KIAA0319: variants seen among roughly 807,000 people sequenced by gnomAD.
KIAA0319 encodes the protein dyslexia-associated protein KIAA0319.
Under a neutral mutation model 108.4 loss-of-function variants are expected in KIAA0319, and 83 were observed. The ratio of observed to expected loss-of-function variants is 0.77; its 90% confidence interval spans 0.64 to 0.92. The LOEUF (loss-of-function observed/expected upper bound fraction) is 0.92. Among genes scored for constraint, KIAA0319 ranks in the 40% least tolerant of loss-of-function variants. The probability of loss-of-function intolerance (pLI) is 0.00; values close to 1 mark genes in which losing one functional copy is unlikely to be tolerated. For synonymous variants in KIAA0319, 484 were observed against 510.4 expected (o/e 0.95, Z 0.70); for missense variants, 1,195 against 1,322.4 (o/e 0.90, Z 1.49).
chr6:24,559,174 G>A lies in KIAA0319; in HGVS notation c.2592-19C>T, dbSNP rs750173288. On this transcript the variant is annotated intron_variant, in intron 16 of 20. Coordinates refer to ENST00000378214, the MANE Select transcript of KIAA0319 (RefSeq NM_014809.4). ...CACGGTGCTGTGGAGGAGACAATGAGAGAGGACAGCCACATGGTCAGATGG... is the reference window on the plus strand; with the variant it reads ...CACGGTGCTGTGGAGGAGACAATGAAAGAGGACAGCCACATGGTCAGATGG... 5.6e-6 allele frequency: 9 copies of A among 1,610,382 alleles called. No homozygotes were observed. The highest frequency in any genetic ancestry group is 2.1e-4 in the Middle Eastern group (1 of 4,736).
At chr6:24,617,757 C>A (rs369639355) in intron 1 of KIAA0319, among the ~76,000 whole-genome samples, 1 of 152,064 alleles carries the variant, frequency 6.6e-6, no homozygotes, top group East Asian at 1.9e-4. Context: ...GAGGCTGATG[C>A]GGGTGGATCA....
At position 24,568,848 on chromosome 6, in the gene KIAA0319, G is replaced by GA. The variant is rs770757146; in HGVS notation, c.2072dup (p.Arg692ProfsTer25). 1.9e-6 allele frequency: 3 copies of GA among 1,614,182 alleles called. No individual in the cohort carries two copies. The East Asian group carries it at 6.7e-5, about 36-fold the overall frequency. On this transcript the variant is annotated frameshift_variant, in exon 13 of 21. Coordinates refer to ENST00000378214, the MANE Select transcript of KIAA0319 (RefSeq NM_014809.4). LOFTEE classifies it high-confidence loss of function. ...CCTGCTGGTCTTTCACTGTCAAACGGAAGTGGTAGGTCCCCACCTGGAGAC... is the reference window on the plus strand; with the variant it reads ...CCTGCTGGTCTTTCACTGTCAAACGGAAAGTGGTAGGTCCCCACCTGGAGAC...
chr6:24,556,173 C>T (rs893931427), intron 18 of KIAA0319, among the ~76,000 whole-genome samples: 4 of 151,050 alleles, frequency 2.6e-5, no homozygotes, highest in African/African-American at 9.8e-5. Context: ...CCCTTCCCTC[C>T]CCTCCCCTCC....
intron 1 of KIAA0319, among the ~76,000 whole-genome samples, chr6:24,614,032 C>T (rs1420062231): frequency 3.3e-5 from 5 of 152,132 alleles, no homozygotes; most frequent in Admixed American, 6.6e-5. Flanking sequence ...TCCATTTCAC[C>T]GCAGTTGAGT....
chr6:24,543,162 T>C (rs1446611281), downstream of KIAA0319, among the ~76,000 whole-genome samples: 2 of 152,198 alleles, frequency 1.3e-5, no homozygotes, highest in East Asian at 3.9e-4. Context: ...TGGAGTGAGT[T>C]AAAACAGCCT....
chr6:24,565,492 C>T (rs1478812652), intron 14 of KIAA0319, among the ~76,000 whole-genome samples: 3 of 152,050 alleles, frequency 2.0e-5, no homozygotes, highest in Admixed American at 2.0e-4. Context: ...CGGTGGCTCA[C>T]GCCTGTAATC....
chr6:24,617,942 G>T (rs1421588273), intron 1 of KIAA0319, among the ~76,000 whole-genome samples: 1 of 152,086 alleles, frequency 6.6e-6, no homozygotes. Flanking sequence ...AGCCGAGATT[G>T]CGCCATTGCA....
At chr6:24,553,340 C>CATATATAT (rs71542684) in intron 19 of KIAA0319, among the ~76,000 whole-genome samples, 81 of 125,876 alleles carry the variant, frequency 6.4e-4, no homozygotes, top group African/African-American at 2.5e-3. Flanking sequence ...CACACACGCA[C>CATATATAT]ATATATATAT....
At chr6:24,623,863 C>T (rs908091696) in intron 1 of KIAA0319, among the ~76,000 whole-genome samples, 3 of 152,072 alleles carry the variant, frequency 2.0e-5, no homozygotes, top group Non-Finnish European at 4.4e-5. Context: ...GATCATTATA[C>T]ATTGTATGCT....
At chr6:24,595,546 C>CA (rs60291863) in intron 3 of KIAA0319, among the ~76,000 whole-genome samples, 3,412 of 42,658 alleles carry the variant, frequency 0.08, 550 homozygotes, top group African/African-American at 0.16. Flanking sequence ...GATTCAATCT[C>CA]AAAAAAAAAA....
At chr6:24,622,859 C>G (rs906016130) in intron 1 of KIAA0319, among the ~76,000 whole-genome samples, 5 of 151,948 alleles carry the variant, frequency 3.3e-5, no homozygotes, top group Non-Finnish European at 5.9e-5. Context: ...GCCTGGCCAA[C>G]GAAACCCTGT....
intron 1 of KIAA0319, among the ~76,000 whole-genome samples, chr6:24,628,513 C>CT (rs1235251904): frequency 3.3e-5 from 5 of 151,844 alleles, no homozygotes; most frequent in African/African-American, 9.7e-5. Flanking sequence ...CACTGCAGTG[C>CT]TTTTTTCTTT....
rs548826536 is a variant in KIAA0319 at position 24,600,897 on chromosome 6, T to A, written c.55+152A>T. The A allele has an allele frequency of 7.5e-5, 75 of 1,006,166 alleles. No homozygotes were observed. In the South Asian group the frequency reaches 9.4e-4, roughly 13 times the overall value. The allele number at this position is 1,006,166 out of a possible 1,614,324, so 62.3% of individuals were successfully genotyped here. On this transcript the variant is annotated intron_variant, in intron 2 of 20. Coordinates refer to ENST00000378214, the MANE Select transcript of KIAA0319 (RefSeq NM_014809.4). ...ATTCCTGTTTACGGAAAACCACTCA[T>A]GCATGAGGTCTGCCTTTCATGCTTT...
Position 24,599,592 on chromosome 6 carries a change from A to G in KIAA0319, c.55+1457T>C. 1 of 619,140 alleles carries G rather than the reference A, an allele frequency of 1.6e-6. No homozygotes were observed. 38.4% of individuals were successfully genotyped at this position (619,140 alleles called of 1,614,324 possible). A position where few individuals can be genotyped will look rare whatever the true frequency, so the allele number is the denominator to read the frequency against. ...GATGCAGAACATGAATATCCATACAAAGACCACCAGTGGCTACTCAGGTGA... is the reference window on the plus strand; with the variant it reads ...GATGCAGAACATGAATATCCATACAGAGACCACCAGTGGCTACTCAGGTGA... On this transcript the variant is annotated intron_variant, in intron 2 of 20. Coordinates refer to ENST00000378214, the MANE Select transcript of KIAA0319 (RefSeq NM_014809.4). This position sits in a 1 kb window ranked among gnomAD's most constrained non-coding sequence, Gnocchi z 4.1.
intron 1 of KIAA0319, among the ~76,000 whole-genome samples, chr6:24,629,552 TG>T (rs1427932159): frequency 4.9e-4 from 71 of 144,532 alleles, no homozygotes; most frequent in African/African-American, 1.5e-3. Context: ...TCAGAATACA[TG>T]AAACACTTAT....
chr6:24,633,443 T>C (rs1431448811), intron 1 of KIAA0319, among the ~76,000 whole-genome samples: 1 of 152,132 alleles, frequency 6.6e-6, no homozygotes, highest in Non-Finnish European at 1.5e-5. Context: ...GATAACAATA[T>C]GTTACGTTAA....
rs768125068 is a variant in KIAA0319 at position 24,576,404 on chromosome 6, C to T, written c.1698G>A (p.Leu566=). The change falls in exon 10 of 21, where the codon CTG becomes CTA. Residue 566 remains leucine (L), a synonymous_variant. Transcript: ENST00000378214. ...CATGTTTGCCCTCACTCCCAGGACC[C>T]AGGGACCACTCATAGAGGACAATCT... ...DHQIVLYEWS[L]GPGSEGKHVV... 1.2e-6 allele frequency: 2 copies of T among 1,614,074 alleles called. No homozygotes were observed. The highest frequency in any genetic ancestry group is 1.7e-6 in the Non-Finnish European group (2 of 1,180,036).
At chr6:24,642,626 C>A (rs892933868) in intron 1 of KIAA0319, among the ~76,000 whole-genome samples, 1 of 152,166 alleles carries the variant, frequency 6.6e-6, no homozygotes, top group Non-Finnish European at 1.5e-5. Flanking sequence ...CATGGAATGA[C>A]CCCAACTTTG....
intron 1 of KIAA0319, among the ~76,000 whole-genome samples, chr6:24,617,164 T>C (rs752049947): frequency 2.2e-4 from 33 of 152,080 alleles, no homozygotes; most frequent in Non-Finnish European, 3.5e-4. Flanking sequence ...AATGTAGTCA[T>C]AATAACTAAA....
Sources: allele counts gnomAD v4.1 joint callset (sites outside exome capture counted in the v4.1 genomes callset), GRCh38; gene constraint gnomAD v4.1.1; non-coding constraint Gnocchi (gnomAD v3.1); transcripts MANE v1.5; gene names NCBI Gene and HGNC (gene_info 2026-07-23, HGNC 2026-07-21).